The following KLHL13 variants were observed in gnomAD, a reference collection of about 807,000 sequenced individuals.
KLHL13 encodes kelch-like protein 13.
A neutral mutation model predicts 37.1 loss-of-function variants in KLHL13; 10 were observed. That is an observed-to-expected ratio of 0.27 (90% CI 0.17 to 0.46). The LOEUF is 0.46. Ranked by LOEUF, KLHL13 falls within the 20% of genes least tolerant of loss-of-function variation. The pLI is 1.00. For missense variants in KLHL13, 360 were observed against 509.3 expected (o/e 0.71, Z 2.82); for synonymous variants, 163 against 181.2 (o/e 0.90, Z 0.81).
intron 5 of KLHL13, among the ~76,000 whole-genome samples, chrX:117,904,003 T>C (rs1307608914): frequency 1.8e-5 from 2 of 111,178 alleles, no homozygotes; most frequent in East Asian, 5.6e-4. Flanking sequence ...TATTTTCCTA[T>C]GTAGAAAGAT....
intron 1 of KLHL13, among the ~76,000 whole-genome samples, chrX:118,051,279 A>G (rs2054610191): frequency 9.0e-6 from 1 of 110,621 alleles, no homozygotes; most frequent in African/African-American, 3.3e-5. Context: ...GGTGGCTCAC[A>G]CCTGTAATCC....
intron 1 of KLHL13, among the ~76,000 whole-genome samples, chrX:118,041,888 A>C (rs1281431056): frequency 8.9e-6 from 1 of 111,948 alleles, no homozygotes; most frequent in Non-Finnish European, 1.9e-5. Flanking sequence ...TACGTGACTA[A>C]ATCCTACAAT....
intron 1 of KLHL13, among the ~76,000 whole-genome samples, chrX:118,033,848 C>T (rs1238230238): frequency 5.6e-5 from 6 of 107,582 alleles, no homozygotes; most frequent in African/African-American, 2.1e-4. Flanking sequence ...GGAAACCCAT[C>T]TCACGTGCAG....
At chrX:118,042,138 A>C (rs2054512489) in intron 1 of KLHL13, among the ~76,000 whole-genome samples, 1 of 112,079 alleles carries the variant, frequency 8.9e-6, no homozygotes, top group Admixed American at 9.5e-5. Flanking sequence ...TAAAGGGGTC[A>C]AGTCAGCCAG....
chrX:117,996,481 T>C (rs2053855216), intron 1 of KLHL13, among the ~76,000 whole-genome samples: 1 of 111,922 alleles, frequency 8.9e-6, no homozygotes, highest in Non-Finnish European at 1.9e-5. Flanking sequence ...CCGATTCCAA[T>C]TTGCAATTAT....
intron 1 of KLHL13, among the ~76,000 whole-genome samples, chrX:118,068,517 A>G (rs1335984562): frequency 1.8e-5 from 2 of 110,576 alleles, no homozygotes; most frequent in South Asian, 3.9e-4. Context: ...ACTTCTCTCT[A>G]TGGTGCAAAG....
At chrX:118,102,267 G>A (rs1388192763) in intron 1 of KLHL13, among the ~76,000 whole-genome samples, 2 of 112,110 alleles carry the variant, frequency 1.8e-5, no homozygotes, top group Non-Finnish European at 3.8e-5. Context: ...GTATAGCAGA[G>A]ACTATTAGTT....
chrX:118,033,178 A>C (rs1387207726), intron 1 of KLHL13, among the ~76,000 whole-genome samples: 1 of 111,594 alleles, frequency 9.0e-6, no homozygotes, highest in Non-Finnish European at 1.9e-5. Flanking sequence ...GCAGGATATT[A>C]TCCAGGAGAA....
chrX:118,018,899 T>C (rs1427657196), intron 1 of KLHL13, among the ~76,000 whole-genome samples: 1 of 111,727 alleles, frequency 9.0e-6, no homozygotes, highest in Non-Finnish European at 1.9e-5. Flanking sequence ...TTAGCTTTTA[T>C]AGATATACAA....
chrX:117,934,093 C>A (rs750264717), intron 2 of KLHL13, among the ~76,000 whole-genome samples: 2 of 110,402 alleles, frequency 1.8e-5, no homozygotes, highest in South Asian at 7.7e-4. Context: ...ATTGGGTACA[C>A]ATGGACACAA....
At chrX:118,102,666 G>T (rs2055303625) in intron 1 of KLHL13, among the ~76,000 whole-genome samples, 1 of 112,008 alleles carries the variant, frequency 8.9e-6, no homozygotes, top group African/African-American at 3.2e-5. Context: ...TAGAGAAAGT[G>T]CTGCCCTACA....
At chrX:118,031,685 T>C (rs1392899124) in intron 1 of KLHL13, among the ~76,000 whole-genome samples, 1 of 102,494 alleles carries the variant, frequency 9.8e-6, no homozygotes, top group East Asian at 3.0e-4. Flanking sequence ...ACTAAAATTT[T>C]TAGCCAGATC....
At chrX:117,917,457 T>C (rs1016945082) in intron 4 of KLHL13, among the ~76,000 whole-genome samples, 5 of 111,489 alleles carry the variant, frequency 4.5e-5, no homozygotes, top group African/African-American at 1.3e-4. Context: ...TATTAAGTGT[T>C]TATAAAAATG....
At chrX:118,069,651 T>C (rs1435455341) in intron 1 of KLHL13, among the ~76,000 whole-genome samples, 1 of 111,398 alleles carries the variant, frequency 9.0e-6, no homozygotes, top group Non-Finnish European at 1.9e-5. Flanking sequence ...AATTTTTGTA[T>C]AGCTGTGCAA....
At chrX:117,974,493 C>A (rs2053572957), upstream of KLHL13, among the ~76,000 whole-genome samples, 2 of 111,791 alleles carry the variant, frequency 1.8e-5, no homozygotes, top group African/African-American at 6.5e-5. Flanking sequence ...AGATTTAGTC[C>A]CCTAAGAGGC....
At chrX:118,020,848 G>A (rs773044446) in intron 1 of KLHL13, among the ~76,000 whole-genome samples, 13 of 109,252 alleles carry the variant, frequency 1.2e-4, no homozygotes, top group African/African-American at 4.0e-4. Flanking sequence ...GTAGGGACAT[G>A]GATGAAGCTA....
rs1344246902 is a variant in KLHL13 at position 118,085,537 on chromosome X, T to C, written c.-56+30971A>G. ...GCTTTTAGTGTACCTGTCACCCAAA[T>C]AGTGTACATGGTACCCCACAGACAG... On this transcript the variant is annotated intron_variant, in intron 1 of 6. Coordinates refer to the KLHL13 transcript ENST00000371882. Among the ~76,000 whole-genome samples the C allele has an allele frequency of 5.4e-5, 6 of 110,119 alleles. 1 individual carries two copies. The highest frequency in any genetic ancestry group is 3.9e-4 in the Admixed American group (4 of 10,264).
At chrX:117,972,864 G>A (rs777357758) in exon 1 of KLHL13, 20 of 1,203,502 alleles carry the variant, frequency 1.7e-5, no homozygotes, top group South Asian at 1.1e-4. Flanking sequence ...AGTAAAGAGC[G>A]TTTCCATAAC....
rs958240455 is a variant in KLHL13, at chrX:117,973,551, G to A, written c.-723C>T. On this transcript the variant is annotated 5_prime_UTR_variant, in exon 1 of 7. Coordinates refer to ENST00000262820, the Ensembl canonical transcript of KLHL13. ...CCAGCTAGGAGAAGGCAAAATGTAA[G>A]AAGAATATAAACTGCTTCAGAACTC... is the stretch of plus-strand genomic sequence containing the variant. 5.7e-5 allele frequency: 51 copies of A among 894,945 alleles called. 1 individual carries two copies. The highest frequency in any genetic ancestry group is 7.1e-5 in the Non-Finnish European group (51 of 721,948). 73.8% of individuals were successfully genotyped at this position (894,945 alleles called of 1,213,427 possible). A position where few individuals can be genotyped will look rare whatever the true frequency, so the allele number is the denominator to read the frequency against.
Sources: allele counts gnomAD v4.1 joint callset (sites outside exome capture counted in the v4.1 genomes callset), GRCh38; gene constraint gnomAD v4.1.1; transcripts MANE v1.5; gene names NCBI Gene and HGNC (gene_info 2026-07-23, HGNC 2026-07-21).